Variants in LINGO2 observed in about 807,000 individuals in gnomAD.
LINGO2 encodes the protein leucine rich repeat and Ig domain containing 2.
LINGO2 carries 14 observed loss-of-function variants against 30.6 expected under a neutral mutation model. The ratio of observed to expected loss-of-function variants is 0.46; its 90% CI spans 0.30 to 0.72. The LOEUF (loss-of-function observed/expected upper bound fraction) is 0.72, where lower values mean the gene tolerates loss of function less well. Ranked by LOEUF, LINGO2 falls within the 30% of genes least tolerant of loss-of-function variation. LINGO2 has a pLI of 0.07. For missense variants in LINGO2, 729 were observed against 751.7 expected, an observed-to-expected ratio of 0.97 and a Z score of 0.35; for synonymous variants, 317 against 288.5, an observed-to-expected ratio of 1.10 and a Z score of -1.00.
intron 4 of LINGO2, among the ~76,000 whole-genome samples, chr9:28,048,813 A>G (rs1181596025): frequency 6.6e-6 from 1 of 150,696 alleles, no homozygotes; most frequent in Non-Finnish European, 1.5e-5. Flanking sequence ...AAAGTACCAC[A>G]ATCGATGAAA....
At chr9:28,758,891 A>G in the LINGO2 span, among the ~76,000 whole-genome samples, 4 of 152,102 alleles carry the variant, frequency 2.6e-5, no homozygotes, top group South Asian at 8.3e-4. Context: ...TTAAATGTTT[A>G]TGGAGATTAC....
intron 3 of LINGO2, among the ~76,000 whole-genome samples, chr9:28,319,982 T>C (rs1824981465): frequency 6.6e-6 from 1 of 152,120 alleles, no homozygotes; most frequent in Non-Finnish European, 1.5e-5. Context: ...ATTAGTAGGG[T>C]GAGAATATGT....
At chr9:28,167,242 A>G (rs1828456156) in intron 4 of LINGO2, among the ~76,000 whole-genome samples, 1 of 149,124 alleles carries the variant, frequency 6.7e-6, no homozygotes, top group African/African-American at 2.5e-5. Context: ...TAAGATTCCC[A>G]TGCTCTGTTA....
chr9:28,309,753 T>C (rs988202799), intron 3 of LINGO2, among the ~76,000 whole-genome samples: 3 of 151,416 alleles, frequency 2.0e-5, no homozygotes, highest in East Asian at 1.9e-4. Flanking sequence ...CAGGGGAAAA[T>C]ATATGCAAGT....
intron 1 of LINGO2, among the ~76,000 whole-genome samples, chr9:28,574,612 A>G (rs1823864471): frequency 6.6e-6 from 1 of 152,170 alleles, no homozygotes; most frequent in Non-Finnish European, 1.5e-5. Context: ...AGAGGACTCT[A>G]TATTTTTTCC....
At chr9:28,348,055 ATAGGATTG>A (rs1191228110) in intron 3 of LINGO2, among the ~76,000 whole-genome samples, 1 of 152,218 alleles carries the variant, frequency 6.6e-6, no homozygotes, top group Non-Finnish European at 1.5e-5. Context: ...TAAACAGGTC[ATAGGATTG>A]TAGGTATAGT....
At chr9:28,078,680 CTA>C (rs1416021855) in intron 4 of LINGO2, among the ~76,000 whole-genome samples, 4 of 147,964 alleles carry the variant, frequency 2.7e-5, no homozygotes, top group Non-Finnish European at 4.4e-5. Flanking sequence ...AACGCCGTCT[CTA>C]TTAAAAATAC....
chr9:28,917,506 G>A, the LINGO2 span, among the ~76,000 whole-genome samples: 1 of 151,786 alleles, frequency 6.6e-6, no homozygotes, highest in Admixed American at 6.6e-5. Context: ...AGGCTGGAGT[G>A]CAGTTGTGGG....
chr9:28,937,317 A>T, the LINGO2 span, among the ~76,000 whole-genome samples: 1 of 152,160 alleles, frequency 6.6e-6, no homozygotes, highest in Non-Finnish European at 1.5e-5. Flanking sequence ...TTTGTTTGTG[A>T]ATAATTCTTC....
At position 28,148,516 on chromosome 9, in the gene LINGO2, C is replaced by A; in HGVS notation, c.-86-136111G>T. 6.8e-7 allele frequency: 1 copy of A among 1,473,034 alleles called. No individual in the cohort carries two copies. 91.2% of individuals were successfully genotyped at this position (1,473,034 alleles called of 1,614,324 possible). On this transcript the variant is annotated intron_variant, in intron 4 of 5. Coordinates refer to ENST00000379992, the Ensembl canonical transcript of LINGO2. This position sits in a 1 kb window ranked among gnomAD's most constrained non-coding sequence, Gnocchi z 5.1. The stretch of plus-strand genomic sequence containing the variant: ...AGGGGCAGGAGGACAATAAAAGGGG[C>A]CCCTGTAGCAATGGGGAAGCAGCTT...
the LINGO2 span, among the ~76,000 whole-genome samples, chr9:29,205,793 T>C: frequency 6.6e-6 from 1 of 152,224 alleles, no homozygotes; most frequent in African/African-American, 2.4e-5. Context: ...AAATGATTTT[T>C]AGTGAATTTA....
At chr9:27,986,050 G>C (rs770277530) in intron 5 of LINGO2, among the ~76,000 whole-genome samples, 1 of 151,692 alleles carries the variant, frequency 6.6e-6, no homozygotes, top group African/African-American at 2.4e-5. Flanking sequence ...GCCTTGTTGG[G>C]GAAAGTATTT....
intron 4 of LINGO2, among the ~76,000 whole-genome samples, chr9:28,255,568 C>T (rs900430266): frequency 6.6e-6 from 1 of 152,082 alleles, no homozygotes; most frequent in Non-Finnish European, 1.5e-5. Flanking sequence ...TTGTAATGCA[C>T]TCAATCAGCC....
At chr9:28,055,542 C>T (rs1437824645) in intron 4 of LINGO2, among the ~76,000 whole-genome samples, 1 of 152,136 alleles carries the variant, frequency 6.6e-6, no homozygotes, top group Non-Finnish European at 1.5e-5. Flanking sequence ...CTGTGACTTC[C>T]ACTTTGAATT....
chr9:28,946,927 A>T, the LINGO2 span, among the ~76,000 whole-genome samples: 1 of 151,984 alleles, frequency 6.6e-6, no homozygotes. Flanking sequence ...CTTGTTTGAA[A>T]TTTTTCAGGT....
the LINGO2 span, among the ~76,000 whole-genome samples, chr9:28,948,575 A>G: frequency 6.6e-6 from 1 of 152,214 alleles, no homozygotes; most frequent in Non-Finnish European, 1.5e-5. Flanking sequence ...TAAAAGTCAA[A>G]TTTATTGCAA....
At chr9:28,184,266 A>C (rs1365774219) in intron 4 of LINGO2, among the ~76,000 whole-genome samples, 1 of 152,150 alleles carries the variant, frequency 6.6e-6, no homozygotes, top group Non-Finnish European at 1.5e-5. Flanking sequence ...TCCACAAGTT[A>C]GCTACTACCC....
chr9:28,216,292 T>A (rs1370691507), intron 4 of LINGO2, among the ~76,000 whole-genome samples: 1 of 151,964 alleles, frequency 6.6e-6, no homozygotes, highest in East Asian at 1.9e-4. Context: ...TCAACTAGGA[T>A]AAAATTTTGG....
At chr9:29,137,577 CT>C in the LINGO2 span, among the ~76,000 whole-genome samples, 4 of 152,114 alleles carry the variant, frequency 2.6e-5, no homozygotes, top group Non-Finnish European at 4.4e-5. Context: ...TGTCAGGTAT[CT>C]TTTACCCTCC....
Sources: allele counts gnomAD v4.1 joint callset (sites outside exome capture counted in the v4.1 genomes callset), GRCh38; gene constraint gnomAD v4.1.1; non-coding constraint Gnocchi (gnomAD v3.1); transcripts MANE v1.5; gene names NCBI Gene and HGNC (gene_info 2026-07-23, HGNC 2026-07-21).